RBFOX1: variants seen among roughly 807,000 people sequenced by gnomAD.
RBFOX1 encodes the protein RNA binding protein fox-1 homolog 1.
Under a neutral mutation model 57.7 loss-of-function variants are expected in RBFOX1, and 8 were observed. That is an observed-to-expected ratio of 0.14 (90% CI 0.08 to 0.25). RBFOX1 has a LOEUF of 0.25. RBFOX1 is among the 10% of genes least tolerant of loss of function. RBFOX1 has a pLI of 1.00. For synonymous variants in RBFOX1, 326 were observed against 222.4 expected (o/e 1.47, Z -4.15); for missense variants, 611 against 548.5 (o/e 1.11, Z -1.14).
intron 3 of RBFOX1, among the ~76,000 whole-genome samples, chr16:5,824,050 C>G (rs926582912): frequency 3.3e-5 from 5 of 152,100 alleles, no homozygotes; most frequent in South Asian, 2.1e-4. Context: ...GGCCTGGTTT[C>G]GAATCAAGAT....
intron 2 of RBFOX1, among the ~76,000 whole-genome samples, chr16:6,524,318 CTG>C (rs1319476077): frequency 1.3e-5 from 2 of 152,198 alleles, no homozygotes; most frequent in African/African-American, 4.8e-5. Context: ...TTGCAAATGA[CTG>C]TATCTCGTTC....
chr16:5,292,338 G>T (rs181320868), intron 1 of RBFOX1, among the ~76,000 whole-genome samples: 1 of 152,212 alleles, frequency 6.6e-6, no homozygotes, highest in Non-Finnish European at 1.5e-5. Context: ...AAAAGTTGAG[G>T]AGTGCCTCTG....
intron 3 of RBFOX1, among the ~76,000 whole-genome samples, chr16:6,936,681 C>G (rs540233802): frequency 6.6e-6 from 1 of 151,990 alleles, no homozygotes; most frequent in Non-Finnish European, 1.5e-5. Context: ...AAAACTAAGG[C>G]TGAGAGAGGA....
chr16:7,494,222 G>A (rs1017234198), intron 4 of RBFOX1, among the ~76,000 whole-genome samples: 4 of 152,178 alleles, frequency 2.6e-5, no homozygotes, highest in Non-Finnish European at 5.9e-5. Context: ...GTGGTCAGAT[G>A]AGATTGGCCT....
Position 5,946,645 on chromosome 16 carries a change from A to G in RBFOX1, c.351+79310A>G, listed in dbSNP as rs375039422. Among the ~76,000 whole-genome samples the G allele has an allele frequency of 6.6e-6, 1 of 152,186 alleles. No homozygotes were observed. The highest frequency in any genetic ancestry group is 1.5e-5 in the Non-Finnish European group (1 of 68,026). On this transcript the variant is annotated intron_variant, in intron 4 of 19. Transcript: ENST00000641259. This position sits in a 1 kb window ranked among gnomAD's most constrained non-coding sequence, Gnocchi z 4.6. ...ATTCTGTGAGCCGTGCTAGGCAACT[A>G]TTGAACCAGAGAAGGGGGTTATGAG...
chr16:5,949,226 C>T (rs1329734462), intron 4 of RBFOX1, among the ~76,000 whole-genome samples: 2 of 152,112 alleles, frequency 1.3e-5, no homozygotes, highest in Non-Finnish European at 2.9e-5. Context: ...TGTCCAAATC[C>T]TCACAGCTGT....
At chr16:5,735,061 G>T (rs922517309) in intron 3 of RBFOX1, among the ~76,000 whole-genome samples, 4 of 152,214 alleles carry the variant, frequency 2.6e-5, no homozygotes, top group Non-Finnish European at 5.9e-5. Flanking sequence ...GTGGTAGGAA[G>T]GAATGGGGGC....
At chr16:7,155,825 G>C (rs1358913785) in intron 4 of RBFOX1, among the ~76,000 whole-genome samples, 1 of 148,686 alleles carries the variant, frequency 6.7e-6, no homozygotes, top group Non-Finnish European at 1.5e-5. Flanking sequence ...ATGTAAATGT[G>C]CTCTATATAA....
chr16:6,019,945 G>A lies in RBFOX1; in HGVS notation c.-174G>A. On this transcript the variant is annotated 5_prime_UTR_variant, in exon 1 of 16. Coordinates refer to ENST00000550418, the MANE Select transcript of RBFOX1 (RefSeq NM_018723.4). This position sits in a 1 kb window ranked among gnomAD's most constrained non-coding sequence, Gnocchi z 4.2. ...GCAGAGAGCGCACGGGAATTCGGGGGTCTGGGGCCGAGAACGTGACCGCAG... is the reference window on the plus strand; with the variant it reads ...GCAGAGAGCGCACGGGAATTCGGGGATCTGGGGCCGAGAACGTGACCGCAG... The A allele has an allele frequency of 6.5e-7, 1 of 1,533,974 alleles. No homozygotes were observed. Among genetic ancestry groups the A allele is most frequent in the South Asian group, 1.2e-5 (1 of 83,890 alleles).
At chr16:7,572,405 T>C (rs1391373496) in intron 5 of RBFOX1, among the ~76,000 whole-genome samples, 1 of 152,180 alleles carries the variant, frequency 6.6e-6, no homozygotes, top group African/African-American at 2.4e-5. Flanking sequence ...TTTCAAGTGG[T>C]ACAGTTTTGC....
intron 1 of RBFOX1, among the ~76,000 whole-genome samples, chr16:6,099,882 T>A (rs2096283802): frequency 6.6e-6 from 1 of 152,044 alleles, no homozygotes; most frequent in African/African-American, 2.4e-5. Context: ...ATTAAAGGAG[T>A]TCTTTTCTCT....
At chr16:6,218,744 C>T (rs2097352345) in intron 1 of RBFOX1, among the ~76,000 whole-genome samples, 1 of 152,114 alleles carries the variant, frequency 6.6e-6, no homozygotes, top group South Asian at 2.1e-4. Context: ...TCCCTGGGAA[C>T]TTCCACTGGT....
At chr16:6,737,703 C>G (rs1383484267) in intron 3 of RBFOX1, among the ~76,000 whole-genome samples, 1 of 152,046 alleles carries the variant, frequency 6.6e-6, no homozygotes, top group African/African-American at 2.4e-5. Context: ...GTCCCAGAGC[C>G]TTAGGTTGGA....
intron 10 of RBFOX1, among the ~76,000 whole-genome samples, chr16:7,626,352 G>A (rs775423965): frequency 6.6e-5 from 10 of 152,286 alleles, no homozygotes; most frequent in Non-Finnish European, 1.0e-4. Context: ...AAAGGGTTCC[G>A]ATGCCCCATC....
chr16:7,601,563 T>G (rs1312730704), intron 9 of RBFOX1, among the ~76,000 whole-genome samples: 2 of 152,200 alleles, frequency 1.3e-5, no homozygotes, highest in South Asian at 2.1e-4. Flanking sequence ...CTCAGTCTTT[T>G]GGGACTAGCT....
chr16:5,887,401 ATTTG>A (rs1371677264), intron 4 of RBFOX1, among the ~76,000 whole-genome samples: 3 of 151,826 alleles, frequency 2.0e-5, no homozygotes, highest in Admixed American at 6.6e-5. Context: ...CTCCTGTGTT[ATTTG>A]TTTGTTTGTT....
At chr16:6,317,619 A>AT (rs1159262244) in intron 2 of RBFOX1, among the ~76,000 whole-genome samples, 1 of 152,086 alleles carries the variant, frequency 6.6e-6, no homozygotes, top group African/African-American at 2.4e-5. Flanking sequence ...GCAAGTAAGC[A>AT]TTTTTCCACT....
chr16:5,762,283 G>T (rs1018354702), intron 3 of RBFOX1, among the ~76,000 whole-genome samples: 2 of 151,074 alleles, frequency 1.3e-5, no homozygotes, highest in African/African-American at 4.9e-5. Context: ...AGACTGGGTA[G>T]CAACAAAGGA....
chr16:7,026,089 A>T (rs1323909071), intron 3 of RBFOX1, among the ~76,000 whole-genome samples: 1 of 152,146 alleles, frequency 6.6e-6, no homozygotes, highest in Admixed American at 6.5e-5. Flanking sequence ...GGTGCTTGCT[A>T]TGTGGGCAGG....
Sources: gnomAD v4.1 joint callset for allele counts (sites outside exome capture counted in the v4.1 genomes callset) on GRCh38, gnomAD v4.1.1 for gene constraint, Gnocchi (gnomAD v3.1) non-coding constraint, MANE v1.5 for transcripts, NCBI Gene and HGNC (gene_info 2026-07-23, HGNC 2026-07-21) for gene names.